Variants in DYNLL1 observed in about 807,000 individuals in gnomAD.
DYNLL1 encodes the protein dynein light chain 1, cytoplasmic.
A neutral mutation model predicts 10.1 loss-of-function variants in DYNLL1; 3 were observed. The ratio of observed to expected loss-of-function variants is 0.30; its 90% CI spans 0.14 to 0.77. The LOEUF (loss-of-function observed/expected upper bound fraction) is 0.77, where lower values mean the gene tolerates loss of function less well. DYNLL1 is among the 30% of genes least tolerant of loss of function. The probability of loss-of-function intolerance (pLI) is 0.66; values close to 1 mark genes in which losing one functional copy is unlikely to be tolerated. For missense variants in DYNLL1, 47 were observed against 111.7 expected (o/e 0.42, Z 2.61); for synonymous variants, 46 against 41.2 (o/e 1.12, Z -0.45).
chr12:120,477,894 T>C (rs1878791759), intron 1 of DYNLL1, among the ~76,000 whole-genome samples: 1 of 151,400 alleles, frequency 6.6e-6, no homozygotes, highest in South Asian at 2.1e-4. Flanking sequence ...CCTCCTGGGT[T>C]CAAGTGATTC....
intron 1 of DYNLL1, among the ~76,000 whole-genome samples, chr12:120,481,900 G>A (rs1334062315): frequency 2.0e-5 from 3 of 152,264 alleles, no homozygotes; most frequent in African/African-American, 7.2e-5. Flanking sequence ...CCATGGGGCA[G>A]TGCAGTGGCA....
At chr12:120,496,302 C>T in intron 1 of DYNLL1, 86 bp downstream of exon 1, 1 of 1,464,848 alleles carries the variant, frequency 6.8e-7, no homozygotes, top group African/African-American at 1.4e-5. Flanking sequence ...CCCGCGCTTC[C>T]TGAGAAGTGG....
Position 120,496,562 on chromosome 12 carries a change from G to A in DYNLL1, c.132+9G>A, listed in dbSNP as rs770835573. On this transcript the variant is annotated intron_variant, in intron 2 of 2. Transcript: ENST00000242577. ...CGGCTCATATCAAGAAGGTGAGGATGGGCGCGGGGGCCGATACGCAGCCGG... is the reference window on the plus strand; with the variant it reads ...CGGCTCATATCAAGAAGGTGAGGATAGGCGCGGGGGCCGATACGCAGCCGG... The A allele has an allele frequency of 4.6e-5, 75 of 1,613,606 alleles. No individual in the cohort carries two copies. The highest frequency in any genetic ancestry group is 1.6e-4 in the Middle Eastern group (1 of 6,084).
At chr12:120,489,835 C>T (rs1284684309) in intron 1 of DYNLL1, among the ~76,000 whole-genome samples, 1 of 152,184 alleles carries the variant, frequency 6.6e-6, no homozygotes, top group East Asian at 1.9e-4. Context: ...GCAACCTCTG[C>T]CTCCCAGGTT....
At chr12:120,479,465 A>ATAATAATAATAATAAT (rs1481700249) in intron 1 of DYNLL1, among the ~76,000 whole-genome samples, 61 of 125,044 alleles carry the variant, frequency 4.9e-4, no homozygotes, top group African/African-American at 1.7e-3. Context: ...AAAAAAAAAA[A>ATAATAATAATAATAAT]AAAAATAATA....
chr12:120,496,221 G>A lies in DYNLL1; in HGVS notation c.-7+5G>A. 1.3e-6 allele frequency: 1 copy of A among 759,518 alleles called. No homozygotes were observed. 47.0% of individuals were successfully genotyped at this position (759,518 alleles called of 1,614,324 possible). On this transcript the variant is annotated splice_donor_5th_base_variant and intron_variant, in intron 1 of 2. Transcript: ENST00000242577. ...CGGCCAGCCCCCTTCTCCACGGTGAGAAACTCGGGGGGCCAGGGGGTGTCC... is the reference window on the plus strand; with the variant it reads ...CGGCCAGCCCCCTTCTCCACGGTGAAAAACTCGGGGGGCCAGGGGGTGTCC...
upstream of DYNLL1, chr12:120,496,096 C>G: frequency 2.3e-6 from 1 of 430,260 alleles, no homozygotes. Context: ...GCGGCGGCGG[C>G]TGGCGTGGGG....
intron 1 of DYNLL1, chr12:120,488,771 G>T (rs970342294): frequency 1.3e-5 from 2 of 152,110 alleles, no homozygotes; most frequent in Admixed American, 1.3e-4. Context: ...AAATTAGCCC[G>T]ATGTGGTGGT....
intron 1 of DYNLL1, among the ~76,000 whole-genome samples, chr12:120,479,657 G>A (rs1348866409): frequency 6.6e-6 from 1 of 151,980 alleles, no homozygotes; most frequent in Non-Finnish European, 1.5e-5. Flanking sequence ...TGCTAGGCAG[G>A]TAAATGAGAG....
At chr12:120,496,746 T>G (rs1868428825) in intron 2 of DYNLL1, 193 bp downstream of exon 2, 11 of 766,152 alleles carry the variant, frequency 1.4e-5, no homozygotes, top group Middle Eastern at 3.5e-4. Flanking sequence ...CCGAAGTTTT[T>G]TTTTTTTTTT....
intron 1 of DYNLL1, among the ~76,000 whole-genome samples, chr12:120,486,127 G>C (rs1424287779): frequency 1.3e-5 from 2 of 152,174 alleles, no homozygotes; most frequent in Non-Finnish European, 2.9e-5. Flanking sequence ...TTTGAGAACA[G>C]CTGCAGTTGG....
chr12:120,477,383 CATTGAG>C (rs907637834), intron 1 of DYNLL1, among the ~76,000 whole-genome samples: 1 of 152,130 alleles, frequency 6.6e-6, no homozygotes, highest in Non-Finnish European at 1.5e-5. Context: ...AGCCATAGAA[CATTGAG>C]CCTGGCTCTG....
At chr12:120,487,167 G>C (rs1879014593) in intron 1 of DYNLL1, among the ~76,000 whole-genome samples, 1 of 148,988 alleles carries the variant, frequency 6.7e-6, no homozygotes, top group Non-Finnish European at 1.5e-5. Flanking sequence ...GTAGAGACAG[G>C]GTTTCACTGT....
chr12:120,495,154 TG>T (rs1879233371), upstream of DYNLL1: 1 of 152,190 alleles, frequency 6.6e-6, no homozygotes, highest in African/African-American at 2.4e-5. Flanking sequence ...CCCAAGATCT[TG>T]CTTTTTTAAC....
chr12:120,496,346 G>T, intron 1 of DYNLL1, 70 bp from the exon 2 acceptor site: 2 of 1,594,272 alleles, frequency 1.3e-6, no homozygotes, highest in South Asian at 1.1e-5. Context: ...GGCGCCGGCC[G>T]GGGTGGGGGC....
chr12:120,476,616 T>C (rs1878758269), intron 1 of DYNLL1, among the ~76,000 whole-genome samples: 1 of 152,194 alleles, frequency 6.6e-6, no homozygotes, highest in Non-Finnish European at 1.5e-5. Context: ...GGGGGTTTTT[T>C]TGTTTGTTTT....
In DYNLL1 at chr12:120,496,368, G is replaced by T. The variant is rs573257955; in HGVS notation, c.-6-48G>T. On this transcript the variant is annotated intron_variant, in intron 1 of 2. Transcript: ENST00000242577. Reference sequence around the variant, plus strand: ...GCCGGGGTGGGGGCAGTTAGTGCCTGGGGGGCGCGGCCCAACTCAACCCCT... The same window carrying T: ...GCCGGGGTGGGGGCAGTTAGTGCCTTGGGGGCGCGGCCCAACTCAACCCCT... The T allele has an allele frequency of 7.5e-6, 12 of 1,609,266 alleles. No individual in the cohort carries two copies. The African/African-American group carries it at 8.0e-5, about 11-fold the overall frequency.
intron 1 of DYNLL1, among the ~76,000 whole-genome samples, chr12:120,486,198 G>A (rs1249648023): frequency 2.0e-5 from 3 of 152,108 alleles, no homozygotes; most frequent in Non-Finnish European, 4.4e-5. Flanking sequence ...TATATGAGCC[G>A]AAATGGAAAA....
Position 120,489,913 on chromosome 12 carries a change from A to G in DYNLL1, c.-6-6503A>G, listed in dbSNP as rs543977965. The stretch of plus-strand genomic sequence containing the variant: ...CAGGTGCACGCTGCCACGCCCAGCT[A>G]ATTTTTTGTATTTTAGTAGAGACGG... On this transcript the variant is annotated intron_variant, in intron 1 of 2. Coordinates refer to the DYNLL1 transcript ENST00000392509. 1.1e-4 allele frequency among the ~76,000 whole-genome samples: 16 copies of G among 152,162 alleles called. No individual in the cohort carries two copies. The East Asian group carries it at 2.7e-3, about 26-fold the overall frequency.
Sources: gnomAD v4.1 joint callset for allele counts (sites outside exome capture counted in the v4.1 genomes callset) on GRCh38, gnomAD v4.1.1 for gene constraint, MANE v1.5 for transcripts, NCBI Gene and HGNC (gene_info 2026-07-23, HGNC 2026-07-21) for gene names.